Variants in GLIS3 observed in about 807,000 individuals in gnomAD.
The protein encoded by GLIS3 is zinc finger protein GLIS3.
A neutral mutation model predicts 78.6 loss-of-function variants in GLIS3; 53 were observed. The ratio of observed to expected loss-of-function variants is 0.67; its 90% CI spans 0.54 to 0.85. The LOEUF (loss-of-function observed/expected upper bound fraction) is 0.85, where lower values mean the gene tolerates loss of function less well. Ranked by LOEUF, GLIS3 falls within the 40% of genes least tolerant of loss-of-function variation. The pLI is 0.00. For synonymous variants in GLIS3, 684 were observed against 509.9 expected (o/e 1.34, Z -4.60); for missense variants, 1,703 against 1,231.1 (o/e 1.38, Z -5.74).
chr9:3,922,859 T>C (rs1037107073), intron 6 of GLIS3, among the ~76,000 whole-genome samples: 6 of 152,150 alleles, frequency 3.9e-5, no homozygotes, highest in African/African-American at 1.4e-4. Flanking sequence ...TTCAACTTTA[T>C]GGTTGGAAAG....
chr9:4,206,667 A>G (rs1819909200), intron 2 of GLIS3, among the ~76,000 whole-genome samples: 1 of 152,232 alleles, frequency 6.6e-6, no homozygotes, highest in Non-Finnish European at 1.5e-5. Context: ...CTCAGGTCTA[A>G]TAAGGGGTGT....
At chr9:4,221,639 T>G (rs1485427923) in intron 2 of GLIS3, among the ~76,000 whole-genome samples, 1 of 152,168 alleles carries the variant, frequency 6.6e-6, no homozygotes, top group Non-Finnish European at 1.5e-5. Flanking sequence ...ACTACCAGTG[T>G]ATGGAATGGA....
At chr9:4,285,537 T>C (rs1210810108) in intron 2 of GLIS3, 1 of 152,464 alleles carries the variant, frequency 6.6e-6, no homozygotes, top group Non-Finnish European at 1.5e-5. Context: ...TTTATATTTA[T>C]TGATTCCTCA....
At chr9:4,381,653 A>T in the GLIS3 span, among the ~76,000 whole-genome samples, 5 of 152,128 alleles carry the variant, frequency 3.3e-5, no homozygotes, top group African/African-American at 1.2e-4. Flanking sequence ...GTACTTCTTG[A>T]TTCATTTTAC....
chr9:4,298,819 G>A (rs908709078), intron 1 of GLIS3, among the ~76,000 whole-genome samples: 2 of 152,144 alleles, frequency 1.3e-5, no homozygotes, highest in African/African-American at 4.8e-5. Context: ...AGGAGTGTAG[G>A]TACCCTCAGC....
rs902425311 is a variant in GLIS3, at chr9:4,313,793, G to C, written n.265-3265C>G. The stretch of plus-strand genomic sequence containing the variant: ...TCCCTGGGAGTCTCAAGTGCACGTG[G>C]ACTTCCTCTCCCTTGCATTTTCCAC... On this transcript the variant is annotated intron_variant and non_coding_transcript_variant, in intron 2 of 4. Coordinates refer to the GLIS3 transcript ENST00000471664. 2.0e-5 allele frequency among the ~76,000 whole-genome samples: 3 copies of C among 152,180 alleles called. No individual in the cohort carries two copies. In the South Asian group the frequency reaches 6.2e-4, roughly 31 times the overall value.
At chr9:4,264,379 T>A (rs912432152) in intron 2 of GLIS3, among the ~76,000 whole-genome samples, 2 of 152,236 alleles carry the variant, frequency 1.3e-5, no homozygotes, top group African/African-American at 4.8e-5. Context: ...CTGGTTGTCT[T>A]GTTTTCACTC....
rs1326133612 is a variant in GLIS3, at chr9:3,863,957, AGAG to A, written c.2298-7776_2298-7774del. On this transcript the variant is annotated intron_variant, in intron 8 of 10. Transcript: ENST00000381971. Reference sequence around the variant, plus strand: ...GAGAAATGAATTATGCAGGACCAAGAGAGGAGTTTTCTGGAATATCCTGACTGC... The same window carrying A: ...GAGAAATGAATTATGCAGGACCAAGAGAGTTTTCTGGAATATCCTGACTGC... Among the ~76,000 whole-genome samples, 5 of 152,050 alleles carry A rather than the reference AGAG, an allele frequency of 3.3e-5. No homozygotes were observed. The East Asian group carries it at 9.6e-4, about 29-fold the overall frequency.
chr9:4,453,097 C>T, the GLIS3 span, among the ~76,000 whole-genome samples: 1 of 152,108 alleles, frequency 6.6e-6, no homozygotes, highest in Non-Finnish European at 1.5e-5. Context: ...GCTAGGAAAA[C>T]TGACTAGCCA....
intron 2 of GLIS3, among the ~76,000 whole-genome samples, chr9:4,127,939 T>G (rs1832701167): frequency 6.6e-6 from 1 of 152,160 alleles, no homozygotes; most frequent in Non-Finnish European, 1.5e-5. Context: ...TACCAATAGA[T>G]TATTTCATAA....
At chr9:3,967,769 A>C (rs921668330) in intron 4 of GLIS3, among the ~76,000 whole-genome samples, 6 of 152,176 alleles carry the variant, frequency 3.9e-5, no homozygotes, top group Non-Finnish European at 8.8e-5. Context: ...ATATGATCCC[A>C]TTTTCTGTAA....
At chr9:4,023,092 A>G (rs1050962029) in intron 4 of GLIS3, among the ~76,000 whole-genome samples, 2 of 152,214 alleles carry the variant, frequency 1.3e-5, no homozygotes, top group Admixed American at 1.3e-4. Context: ...ACATATTTGA[A>G]AACAAATTAT....
At chr9:4,366,553 C>A in the GLIS3 span, among the ~76,000 whole-genome samples, 1 of 152,188 alleles carries the variant, frequency 6.6e-6, no homozygotes, top group African/African-American at 2.4e-5. Context: ...TTCCATTCCA[C>A]GCAATTCATG....
intron 2 of GLIS3, among the ~76,000 whole-genome samples, chr9:4,325,638 A>C (rs1817587557): frequency 6.6e-6 from 1 of 152,214 alleles, no homozygotes; most frequent in Non-Finnish European, 1.5e-5. Flanking sequence ...GGAACCAGAC[A>C]AGATACACTT....
chr9:4,345,106 G>A (rs1200746879), intron 2 of GLIS3, among the ~76,000 whole-genome samples: 1 of 152,138 alleles, frequency 6.6e-6, no homozygotes, highest in African/African-American at 2.4e-5. Flanking sequence ...GTCTCCGCAA[G>A]TTTCCCCCTC....
At chr9:4,475,249 A>G in the GLIS3 span, among the ~76,000 whole-genome samples, 1 of 152,222 alleles carries the variant, frequency 6.6e-6, no homozygotes, top group Non-Finnish European at 1.5e-5. Flanking sequence ...GCTCACATAG[A>G]GGAAAGAATA....
chr9:4,437,472 A>C, the GLIS3 span, among the ~76,000 whole-genome samples: 36 of 128,644 alleles, frequency 2.8e-4, no homozygotes, highest in East Asian at 1.6e-3. Context: ...ATCTATCTAT[A>C]TATCATTTAA....
At chr9:3,916,706 G>A (rs908446280) in intron 6 of GLIS3, among the ~76,000 whole-genome samples, 2 of 151,972 alleles carry the variant, frequency 1.3e-5, no homozygotes, top group African/African-American at 4.8e-5. Flanking sequence ...TTCTCCTCCT[G>A]AATGGCTTCC....
chr9:3,860,092 G>A lies in GLIS3; in HGVS notation c.2298-3908C>T, dbSNP rs532582520. On this transcript the variant is annotated intron_variant, in intron 8 of 10. Coordinates refer to ENST00000381971, the MANE Select transcript of GLIS3 (RefSeq NM_001042413.2). ...AGATTGAGACCATCCTGGCTAACAC[G>A]GTGAAAGTCTGTCTCTACTAAAGAT... 3.1e-4 allele frequency among the ~76,000 whole-genome samples: 47 copies of A among 152,030 alleles called. 1 individual carries two copies. In the South Asian group the frequency reaches 8.3e-3, roughly 27 times the overall value.
Sources: allele counts gnomAD v4.1 joint callset (sites outside exome capture counted in the v4.1 genomes callset), GRCh38; gene constraint gnomAD v4.1.1; transcripts MANE v1.5; gene names NCBI Gene and HGNC (gene_info 2026-07-23, HGNC 2026-07-21).